The following PDXK variants were observed in gnomAD, a reference collection of about 807,000 sequenced individuals.
PDXK encodes epididymis secretory sperm binding protein Li 1a.
A neutral mutation model predicts 43.2 loss-of-function variants in PDXK; 15 were observed. The ratio of observed to expected loss-of-function variants is 0.35; its 90% CI spans 0.23 to 0.53. The LOEUF (loss-of-function observed/expected upper bound fraction) is 0.53. Among genes scored for constraint, PDXK ranks in the 20% least tolerant of loss-of-function variants. PDXK has a pLI of 0.92. For synonymous variants in PDXK, 172 were observed against 165.4 expected (o/e 1.04, Z -0.31); for missense variants, 343 against 417.0 (o/e 0.82, Z 1.54).
intron 3 of PDXK, 62 bp from the exon 4 acceptor site, chr21:43,743,662 G>C: frequency 8.4e-7 from 1 of 1,187,668 alleles, no homozygotes; most frequent in Non-Finnish European, 1.3e-6. Flanking sequence ...CTTTCTTTGT[G>C]CCACAGTTGA....
intron 2 of PDXK, 109 bp from the exon 3 acceptor site, chr21:43,741,558 G>A (rs767535915): frequency 1.9e-5 from 29 of 1,533,868 alleles, no homozygotes; most frequent in Non-Finnish European, 2.4e-5. Flanking sequence ...TCCATGGGGA[G>A]GAGCCGTCCA....
chr21:43,749,961 G>A (rs987478770), intron 6 of PDXK, among the ~76,000 whole-genome samples: 5 of 152,108 alleles, frequency 3.3e-5, no homozygotes, highest in East Asian at 3.9e-4. Context: ...GGAGCTGCCC[G>A]CGGAGGGGGC....
In PDXK at chr21:43,732,575, G is replaced by C. The variant is rs2083334036; in HGVS notation, c.88-1494G>C. The C allele has an allele frequency of 1.2e-6, 1 of 865,244 alleles. No individual in the cohort carries two copies. Among genetic ancestry groups the C allele is most frequent in the African/African-American group, 1.6e-5 (1 of 60,812 alleles). The allele number at this position is 865,244 out of a possible 1,614,324, so 53.6% of individuals were successfully genotyped here. A position where few individuals can be genotyped will look rare whatever the true frequency, so the allele number is the denominator to read the frequency against. On this transcript the variant is annotated intron_variant, in intron 1 of 10. Transcript: ENST00000291565. The surrounding 1 kb of genome is among the most constrained non-coding windows in gnomAD (Gnocchi z 4.1). ...TTAATTATCTACACACCCAGAAGCA[G>C]TGGAGCAGAATATTTTGGCAGGATT...
In PDXK at chr21:43,757,859, T is replaced by C. The variant is rs959870326; in HGVS notation, c.*1796T>C. 2.0e-5 allele frequency: 3 copies of C among 152,240 alleles called. No homozygotes were observed. The highest frequency in any genetic ancestry group is 7.2e-5 in the African/African-American group (3 of 41,444). 9.4% of individuals were successfully genotyped at this position (152,240 alleles called of 1,614,324 possible). On this transcript the variant is annotated 3_prime_UTR_variant, in exon 11 of 11. Transcript: ENST00000291565. ...TGGCGGGGAGGCGGCCTCCCCAGTA[T>C]GTGAGTGCAGGGATCTGCCAGAACC...
Position 43,736,889 on chromosome 21 carries a change from C to G in PDXK, c.142+2766C>G, listed in dbSNP as rs780330087. On this transcript the variant is annotated intron_variant, in intron 2 of 10. Coordinates refer to ENST00000291565, the MANE Select transcript of PDXK (RefSeq NM_003681.5). The stretch of plus-strand genomic sequence containing the variant: ...GCTCAAGCGATCCTGCCCCCTCAGC[C>G]TCCCAAAGTGCTGGGATTACAGGTG... The G allele has an allele frequency of 7.1e-4, 496 of 698,780 alleles. 2 individuals are homozygous for G. Among genetic ancestry groups the G allele is most frequent in the Admixed American group, 1.1e-3 (55 of 49,924 alleles). The allele number at this position is 698,780 out of a possible 1,614,324, so 43.3% of individuals were successfully genotyped here. A position where few individuals can be genotyped will look rare whatever the true frequency, so the allele number is the denominator to read the frequency against.
chr21:43,753,476 C>T, intron 8 of PDXK, 107 bp from the exon 9 acceptor site: 2 of 1,176,196 alleles, frequency 1.7e-6, no homozygotes, highest in South Asian at 3.0e-5. Flanking sequence ...TTGTGCTCTG[C>T]CCCTGTGACC....
rs1397818688 is a variant in PDXK at position 43,735,641 on chromosome 21, C to G, written c.142+1518C>G. Among the ~76,000 whole-genome samples the G allele has an allele frequency of 6.6e-6, 1 of 152,138 alleles. No individual in the cohort carries two copies. Among genetic ancestry groups the G allele is most frequent in the Non-Finnish European group, 1.5e-5 (1 of 68,004 alleles). On this transcript the variant is annotated intron_variant, in intron 2 of 10. Coordinates refer to ENST00000291565, the MANE Select transcript of PDXK (RefSeq NM_003681.5). The surrounding 1 kb of genome is among the most constrained non-coding windows in gnomAD (Gnocchi z 5.3). ...CTGTGGTTCCTGGGAGCCCCCACTCCAGCCTCCTCCAGATGCCATGGGGGG... is the reference window on the plus strand; with the variant it reads ...CTGTGGTTCCTGGGAGCCCCCACTCGAGCCTCCTCCAGATGCCATGGGGGG...
intron 2 of PDXK, among the ~76,000 whole-genome samples, chr21:43,740,470 T>C (rs2083478350): frequency 6.6e-6 from 1 of 151,992 alleles, no homozygotes; most frequent in Non-Finnish European, 1.5e-5. Flanking sequence ...GGGTGATTCA[T>C]GTGGGAGGAG....
intron 5 of PDXK, 34 bp from the exon 6 acceptor site, chr21:43,748,961 C>G (rs760691788): frequency 7.3e-7 from 1 of 1,376,236 alleles, no homozygotes; most frequent in African/African-American, 1.4e-5. Flanking sequence ...CTCACGGTGA[C>G]TCAGCCTCTC....
rs956707258 is a variant in PDXK, at chr21:43,758,883, A to G, written c.*2820A>G. ...TAAAATCGATTTTAAATTGTTGCCTAGTCCTGCCAAGGTTATTATGTGCAT... is the reference window on the plus strand; with the variant it reads ...TAAAATCGATTTTAAATTGTTGCCTGGTCCTGCCAAGGTTATTATGTGCAT... On this transcript the variant is annotated 3_prime_UTR_variant, in exon 11 of 11. Transcript: ENST00000291565. 2.0e-5 allele frequency: 3 copies of G among 152,254 alleles called. No individual in the cohort carries two copies. The highest frequency in any genetic ancestry group is 2.9e-5 in the Non-Finnish European group (2 of 68,034). The allele number at this position is 152,254 out of a possible 1,614,324, so 9.4% of individuals were successfully genotyped here.
chr21:43,758,673 T>C lies in PDXK; in HGVS notation c.*2610T>C, dbSNP rs192120672. The C allele has an allele frequency of 6.5e-6, 1 of 153,528 alleles. No homozygotes were observed. Among genetic ancestry groups the C allele is most frequent in the Admixed American group, 6.5e-5 (1 of 15,312 alleles). The allele number at this position is 153,528 out of a possible 1,614,324, so 9.5% of individuals were successfully genotyped here. A position where few individuals can be genotyped will look rare whatever the true frequency, so the allele number is the denominator to read the frequency against. ...TTGGATCCAGATTAGAATTGATCTT[T>C]GTTTTCACTTTCCATAGTTAATAAC... On this transcript the variant is annotated 3_prime_UTR_variant, in exon 11 of 11. Transcript: ENST00000291565.
At chr21:43,719,752 C>T in intron 1 of PDXK, 1 of 985,444 alleles carries the variant, frequency 1.0e-6, no homozygotes, top group Non-Finnish European at 1.2e-6. Context: ...TGTCGCAGAG[C>T]CCCGAGGAGT....
chr21:43,742,210 C>T (rs2083548658), intron 3 of PDXK, among the ~76,000 whole-genome samples: 3 of 152,178 alleles, frequency 2.0e-5, no homozygotes, highest in South Asian at 4.1e-4. Context: ...GACAGGGTCT[C>T]ACTCTGTGGC....
chr21:43,747,096 C>CCACT (rs1470575616), intron 5 of PDXK: 1 of 152,426 alleles, frequency 6.6e-6, no homozygotes, highest in African/African-American at 2.4e-5. Context: ...TGAGATCGCA[C>CCACT]CGCTACACTC....
intron 5 of PDXK, among the ~76,000 whole-genome samples, chr21:43,747,497 A>C (rs2083658885): frequency 6.6e-6 from 1 of 152,232 alleles, no homozygotes; most frequent in Non-Finnish European, 1.5e-5. Flanking sequence ...GATATCTGTC[A>C]CTGGGCATCT....
chr21:43,732,886 A>G lies in PDXK; in HGVS notation c.88-1183A>G, dbSNP rs1223782852. On this transcript the variant is annotated intron_variant, in intron 1 of 10. Transcript: ENST00000291565. The surrounding 1 kb of genome is among the most constrained non-coding windows in gnomAD (Gnocchi z 4.1). ...CTCAGCCTCCCGAGTAGCTGGGACT[A>G]CAGACATGTGCCACCACGCCCGGCT... is the stretch of plus-strand genomic sequence containing the variant. 6.6e-6 allele frequency among the ~76,000 whole-genome samples: 1 copy of G among 151,994 alleles called. No homozygotes were observed. Among genetic ancestry groups the G allele is most frequent in the African/African-American group, 2.4e-5 (1 of 41,358 alleles).
intron 1 of PDXK, 71 bp downstream of exon 1, chr21:43,719,452 G>T (rs2083187919): frequency 7.0e-7 from 1 of 1,430,386 alleles, no homozygotes. Flanking sequence ...CCCGAGACGA[G>T]CCTCAGTTCC....
rs1601773677 is a variant in PDXK at position 43,719,215 on chromosome 21, C to G, written c.-80C>G. ...AGGGGAGCCGGGGCCGGAGCCCGAG[C>G]CCGAGCCGAGCCGGAGCCCGAGCGA... On this transcript the variant is annotated 5_prime_UTR_variant, in exon 1 of 11. Coordinates refer to ENST00000291565, the MANE Select transcript of PDXK (RefSeq NM_003681.5). The G allele has an allele frequency of 1.3e-6, 1 of 784,654 alleles. No individual in the cohort carries two copies. The highest frequency in any genetic ancestry group is 1.8e-5 in the African/African-American group (1 of 54,368). The allele number at this position is 784,654 out of a possible 1,614,324, so 48.6% of individuals were successfully genotyped here. A position where few individuals can be genotyped will look rare whatever the true frequency, so the allele number is the denominator to read the frequency against.
chr21:43,719,504 C>A, intron 1 of PDXK, 123 bp downstream of exon 1: 1 of 1,317,082 alleles, frequency 7.6e-7, no homozygotes, highest in Non-Finnish European at 1.0e-6. Context: ...CTGGCGCGGG[C>A]GCCCTGGAGG....
Sources: allele counts gnomAD v4.1 joint callset (sites outside exome capture counted in the v4.1 genomes callset), GRCh38; gene constraint gnomAD v4.1.1; non-coding constraint Gnocchi (gnomAD v3.1); transcripts MANE v1.5; gene names NCBI Gene and HGNC (gene_info 2026-07-23, HGNC 2026-07-21).